WDR70: variants seen among roughly 807,000 people sequenced by gnomAD.
WDR70 encodes the protein WD repeat-containing protein 70.
In WDR70, 53 loss-of-function variants were observed where a neutral mutation model predicts 88.6. The observed-to-expected ratio is 0.60, with a 90% CI of 0.48 to 0.75. The LOEUF (loss-of-function observed/expected upper bound fraction) is 0.75, where lower values mean the gene tolerates loss of function less well. WDR70 is among the 30% of genes least tolerant of loss of function. The pLI is 0.00. For missense variants in WDR70, 610 were observed against 823.2 expected, an observed-to-expected ratio of 0.74 and a Z score of 3.17; for synonymous variants, 280 against 270.0, an observed-to-expected ratio of 1.04 and a Z score of -0.36.
rs1740107227 is a variant in WDR70 at position 37,492,910 on chromosome 5, T to C, written c.840+12923T>C. On this transcript the variant is annotated intron_variant, in intron 8 of 17. Coordinates refer to ENST00000265107, the MANE Select transcript of WDR70 (RefSeq NM_018034.4). ...CCAGGGATGTGGCTGTATAATAACT[T>C]CAGAAAGATCAAAAGATGAGAGTAT... Among the ~76,000 whole-genome samples, 3 of 152,274 alleles carry C rather than the reference T, an allele frequency of 2.0e-5. No homozygotes were observed. The South Asian group carries it at 6.2e-4, about 32-fold the overall frequency.
At chr5:37,606,908 C>CTCCCA (rs1744046287) in intron 10 of WDR70, among the ~76,000 whole-genome samples, 1 of 62,930 alleles carries the variant, frequency 1.6e-5, no homozygotes, top group Non-Finnish European at 3.0e-5. Flanking sequence ...CTCCCCTCCC[C>CTCCCA]TCCCCTCCCC....
chr5:37,638,706 A>G (rs908770913), intron 10 of WDR70, among the ~76,000 whole-genome samples: 3 of 152,188 alleles, frequency 2.0e-5, no homozygotes, highest in Non-Finnish European at 4.4e-5. Flanking sequence ...GTTCACATTG[A>G]TCTGAGATCA....
intron 9 of WDR70, among the ~76,000 whole-genome samples, chr5:37,601,859 G>T (rs1029735183): frequency 2.0e-5 from 3 of 152,120 alleles, no homozygotes; most frequent in Admixed American, 6.6e-5. Flanking sequence ...AGAAAATGTG[G>T]CACATATACA....
intron 5 of WDR70, among the ~76,000 whole-genome samples, chr5:37,428,241 G>T (rs1273367082): frequency 6.6e-6 from 1 of 152,024 alleles, no homozygotes; most frequent in Non-Finnish European, 1.5e-5. Context: ...CTTTTCTGCA[G>T]ATATCAGCAA....
At chr5:37,669,578 C>T (rs1405997144) in intron 10 of WDR70, among the ~76,000 whole-genome samples, 1 of 151,992 alleles carries the variant, frequency 6.6e-6, no homozygotes, top group Non-Finnish European at 1.5e-5. Flanking sequence ...TGTTGTCAGA[C>T]CACTGCTGGT....
chr5:37,435,668 G>T (rs971785), intron 5 of WDR70, among the ~76,000 whole-genome samples: 132,509 of 152,160 alleles, frequency 0.87, 60,556 homozygotes, highest in East Asian at 1. Flanking sequence ...ATAATAATTT[G>T]GTCTTAAAAG....
At position 37,638,624 on chromosome 5, in the gene WDR70, C is replaced by T. The variant is rs191510922; in HGVS notation, c.1092+33386C>T. On this transcript the variant is annotated intron_variant, in intron 10 of 17. Transcript: ENST00000265107. ...CTGGTTGATGTTAATATGTTAAGTTCTCAAACTCCCTTCATGTTAGCAATA... is the reference window on the plus strand; with the variant it reads ...CTGGTTGATGTTAATATGTTAAGTTTTCAAACTCCCTTCATGTTAGCAATA... Among the ~76,000 whole-genome samples the T allele has an allele frequency of 7.5e-4, 114 of 152,316 alleles. No homozygotes were observed. In the East Asian group the frequency reaches 0.016, roughly 21 times the overall value.
chr5:37,427,641 C>T (rs1245560538), intron 5 of WDR70, among the ~76,000 whole-genome samples: 1 of 152,038 alleles, frequency 6.6e-6, no homozygotes, highest in Non-Finnish European at 1.5e-5. Flanking sequence ...TTTGGGAGGG[C>T]GAGGTGGGTG....
intron 10 of WDR70, among the ~76,000 whole-genome samples, chr5:37,672,724 A>C (rs769289621): frequency 6.6e-6 from 1 of 152,142 alleles, no homozygotes; most frequent in Non-Finnish European, 1.5e-5. Flanking sequence ...ATACTGAGGA[A>C]ACTCAGAGAC....
At chr5:37,735,039 T>C (rs1274866763) in intron 17 of WDR70, among the ~76,000 whole-genome samples, 5 of 152,314 alleles carry the variant, frequency 3.3e-5, no homozygotes, top group South Asian at 2.1e-4. Context: ...AAAGATTTGA[T>C]AGAATTCACC....
intron 9 of WDR70, among the ~76,000 whole-genome samples, chr5:37,577,708 T>G (rs893658086): frequency 6.6e-6 from 1 of 152,134 alleles, no homozygotes. Context: ...AACAGTTGTG[T>G]TAATGCTGAC....
chr5:37,414,277 C>T (rs1411998543), intron 5 of WDR70, among the ~76,000 whole-genome samples: 1 of 152,070 alleles, frequency 6.6e-6, no homozygotes, highest in African/African-American at 2.4e-5. Context: ...TCCCCTTCTA[C>T]CCCCTGGCTT....
rs146404308 is a variant in WDR70 at position 37,575,393 on chromosome 5, G to C, written c.918-29671G>C. Among the ~76,000 whole-genome samples the C allele has an allele frequency of 1.6e-3, 248 of 152,222 alleles. 1 individual carries two copies. The highest frequency in any genetic ancestry group is 5.8e-3 in the African/African-American group (239 of 41,536). ...TTTTGTGCTAATGAGGTGACTCTTG[G>C]TTGACTTCTGGATGGCTTCAACATG... is the stretch of plus-strand genomic sequence containing the variant. On this transcript the variant is annotated intron_variant, in intron 9 of 17. Coordinates refer to ENST00000265107, the MANE Select transcript of WDR70 (RefSeq NM_018034.4).
At chr5:37,601,296 C>G (rs1743874712) in intron 9 of WDR70, among the ~76,000 whole-genome samples, 1 of 152,110 alleles carries the variant, frequency 6.6e-6, no homozygotes, top group African/African-American at 2.4e-5. Flanking sequence ...GGTTTCTGTT[C>G]TTAATTTTGT....
At chr5:37,419,993 A>G (rs1439583945) in intron 5 of WDR70, among the ~76,000 whole-genome samples, 1 of 151,672 alleles carries the variant, frequency 6.6e-6, no homozygotes, top group African/African-American at 2.4e-5. Flanking sequence ...CCCCCCTCAG[A>G]CTTTCAAAGT....
At chr5:37,396,699 T>C in intron 5 of WDR70, 129 bp downstream of exon 5, 1 of 1,388,230 alleles carries the variant, frequency 7.2e-7, no homozygotes, top group Non-Finnish European at 9.4e-7. Context: ...GCATGGTGGC[T>C]TAACACCTGT....
intron 10 of WDR70, among the ~76,000 whole-genome samples, chr5:37,623,374 A>G (rs1189169366): frequency 6.6e-6 from 1 of 152,130 alleles, no homozygotes; most frequent in Admixed American, 6.6e-5. Flanking sequence ...TCAAACATAT[A>G]AAATCCATTA....
chr5:37,382,698 C>T (rs1748468494), intron 3 of WDR70, among the ~76,000 whole-genome samples: 2 of 152,144 alleles, frequency 1.3e-5, no homozygotes, highest in South Asian at 4.1e-4. Context: ...GCCACCGCAC[C>T]CGGCCCAATT....
chr5:37,620,127 T>A (rs1219249105), intron 10 of WDR70: 4 of 152,152 alleles, frequency 2.6e-5, no homozygotes, highest in Non-Finnish European at 5.9e-5. Flanking sequence ...TTTTTATGGT[T>A]CTTAGCTTTA....
Sources: gnomAD v4.1 joint callset for allele counts (sites outside exome capture counted in the v4.1 genomes callset) on GRCh38, gnomAD v4.1.1 for gene constraint, MANE v1.5 for transcripts, NCBI Gene and HGNC (gene_info 2026-07-23, HGNC 2026-07-21) for gene names.